GYPB: variants seen among roughly 807,000 people sequenced by gnomAD.
The protein encoded by GYPB is glycophorin-B.
In GYPB, 13 loss-of-function variants were observed where a neutral mutation model predicts 15.3. The ratio of observed to expected loss-of-function variants is 0.85; its 90% CI spans 0.55 to 1.35. The LOEUF (loss-of-function observed/expected upper bound fraction) is 1.35, where lower values mean the gene tolerates loss of function less well. Ranked by LOEUF, GYPB falls within the 40% of genes most tolerant of loss-of-function variation. The pLI is 0.00. For missense variants in GYPB, 131 were observed against 108.3 expected (o/e 1.21, Z -0.93); for synonymous variants, 38 against 36.9 (o/e 1.03, Z -0.11).
chr4:143,999,539 CCTTTT>C, intron 2 of GYPB, 90 bp from the exon 3 acceptor site: 1 of 707,202 alleles, frequency 1.4e-6, no homozygotes. Context: ...CTGCGGGTTT[CCTTTT>C]CTTAATCATA....
At chr4:144,015,232 T>C (rs1266532420) in intron 1 of GYPB, among the ~76,000 whole-genome samples, 1 of 151,358 alleles carries the variant, frequency 6.6e-6, no homozygotes, top group African/African-American at 2.5e-5. Flanking sequence ...TGAGAAAAAA[T>C]AAATAAAACC....
rs1369564588 is a variant in GYPB, at chr4:143,999,549, A to G, written c.137-100T>C. 4.4e-6 allele frequency: 3 copies of G among 675,698 alleles called. No homozygotes were observed. The East Asian group carries it at 8.4e-5, about 19-fold the overall frequency. The allele number at this position is 675,698 out of a possible 1,614,324, so 41.9% of individuals were successfully genotyped here. Reference sequence around the variant, plus strand: ...CTGTTCTGCGGGTTTCCTTTTCTTAATCATATTTTGAGAGTTGTTGGTCAA... The same window carrying G: ...CTGTTCTGCGGGTTTCCTTTTCTTAGTCATATTTTGAGAGTTGTTGGTCAA... On this transcript the variant is annotated intron_variant, in intron 2 of 4. Transcript: ENST00000502664.
chr4:143,996,791 T>TGGA (rs1028636689), intron 4 of GYPB, among the ~76,000 whole-genome samples: 1 of 150,284 alleles, frequency 6.7e-6, no homozygotes, highest in Non-Finnish European at 1.5e-5. Context: ...TTTAAAAAAC[T>TGGA]TTAATGATTC....
rs144313461 is a variant in GYPB, at chr4:144,000,282, C to G, written c.137-833G>C. On this transcript the variant is annotated intron_variant, in intron 2 of 4. Transcript: ENST00000502664. Reference sequence around the variant, plus strand: ...CTTTGGAGTAAAAGAGTTGGGTTTTCTGTCACGAAAGTTTGAGAACTGTCA... The same window carrying G: ...CTTTGGAGTAAAAGAGTTGGGTTTTGTGTCACGAAAGTTTGAGAACTGTCA... 2.8e-5 allele frequency: 6 copies of G among 213,118 alleles called. No individual in the cohort carries two copies. The East Asian group carries it at 9.0e-4, about 32-fold the overall frequency. The allele number at this position is 213,118 out of a possible 1,614,324, so 13.2% of individuals were successfully genotyped here.
chr4:144,009,765 C>T (rs1171205079), intron 1 of GYPB, among the ~76,000 whole-genome samples: 2 of 149,832 alleles, frequency 1.3e-5, no homozygotes, highest in African/African-American at 2.5e-5. Context: ...AGGCACCCGC[C>T]ACCAAGCCCG....
intron 1 of GYPB, among the ~76,000 whole-genome samples, chr4:144,003,433 T>A (rs942754348): frequency 1.3e-4 from 19 of 151,308 alleles, no homozygotes; most frequent in Admixed American, 5.3e-4. Context: ...ATTCCTTTGG[T>A]GGAGAAGCCC....
At position 143,997,617 on chromosome 4, in the gene GYPB, G is replaced by A. The variant is rs761098639; in HGVS notation, c.193C>T (p.Leu65Phe). 5 of 1,576,728 alleles carry A rather than the reference G, an allele frequency of 3.2e-6. No individual in the cohort carries two copies. In the East Asian group the frequency reaches 9.0e-5, roughly 28 times the overall value. Reference sequence around the variant, plus strand: ...CCAGCCATCACACACAAAATAATGAGTATTATCACTACAGGAGCTAAAGAG... The same window carrying A: ...CCAGCCATCACACACAAAATAATGAATATTATCACTACAGGAGCTAAAGAG... ...FTVPAPVVII[L>F]IILCVMAGII... is the part of the protein sequence containing the mutation. Residue 65 changes from leucine (L) to phenylalanine (F), a missense_variant, in exon 4 of 5, where the codon CTC becomes TTC. Transcript: ENST00000502664.
In GYPB at chr4:144,006,012, T is replaced by C. The variant is rs1202750863; in HGVS notation, c.38-4729A>G. Reference sequence around the variant, plus strand: ...ATCTCTCAGATTGATAAGAGTTTAATGATTAAGTGGCAAATTAGTGCAAAA... The same window carrying C: ...ATCTCTCAGATTGATAAGAGTTTAACGATTAAGTGGCAAATTAGTGCAAAA... On this transcript the variant is annotated intron_variant, in intron 1 of 4. Coordinates refer to ENST00000502664, the MANE Select transcript of GYPB (RefSeq NM_002100.6). 5.3e-5 allele frequency among the ~76,000 whole-genome samples: 8 copies of C among 151,604 alleles called. 1 individual carries two copies. The highest frequency in any genetic ancestry group is 7.3e-5 in the Non-Finnish European group (5 of 68,038).
intron 1 of GYPB, among the ~76,000 whole-genome samples, chr4:144,004,743 T>G (rs796854101): frequency 6.6e-6 from 1 of 151,948 alleles, no homozygotes; most frequent in South Asian, 2.1e-4. Context: ...CAAAACTACA[T>G]TTGATAACAA....
At chr4:143,999,127 C>A (rs529933491) in intron 3 of GYPB, 1 of 289,370 alleles carries the variant, frequency 3.5e-6, no homozygotes, top group Admixed American at 5.7e-5. Context: ...AGGCTGTTCT[C>A]AAATTCCTGG....
rs201949116 is a variant in GYPB at position 144,001,239 on chromosome 4, G to A, written c.82C>T (p.His28Tyr). 172 of 1,612,788 alleles carry A rather than the reference G, an allele frequency of 1.1e-4. No individual in the cohort carries two copies. The highest frequency in any genetic ancestry group is 1.6e-4 in the Middle Eastern group (1 of 6,078). The change falls in exon 2 of 5, where the codon CAC (histidine) becomes TAC (tyrosine). Residue 28 changes from histidine to tyrosine, a missense_variant. Coordinates refer to ENST00000502664, the MANE Select transcript of GYPB (RefSeq NM_002100.6). ...SALSTTEVAM[H>Y]TSTSSSVTKS... ...GTGACTGAAGAAGAGGTTGAAGTGT[G>A]CATTGCCACCTCAGTGGTACTTAAT... is the stretch of plus-strand genomic sequence containing the variant.
chr4:143,999,778 T>TA (rs1365837140), intron 2 of GYPB, among the ~76,000 whole-genome samples: 2 of 151,346 alleles, frequency 1.3e-5, no homozygotes, highest in African/African-American at 4.9e-5. Context: ...TTAAAACATG[T>TA]AAAAAATAAT....
intron 1 of GYPB, among the ~76,000 whole-genome samples, chr4:144,010,305 T>G (rs1440805994): frequency 6.6e-6 from 1 of 151,060 alleles, no homozygotes; most frequent in African/African-American, 2.5e-5. Flanking sequence ...ATTTACAAAT[T>G]AAATAACAAA....
chr4:144,005,680 GTA>G (rs1259285779), intron 1 of GYPB, among the ~76,000 whole-genome samples: 1 of 151,748 alleles, frequency 6.6e-6, no homozygotes, highest in Non-Finnish European at 1.5e-5. Context: ...TCCAAGTGAA[GTA>G]TATTTACCTT....
At chr4:144,014,064 C>T (rs1408447708) in intron 1 of GYPB, among the ~76,000 whole-genome samples, 3 of 151,394 alleles carry the variant, frequency 2.0e-5, no homozygotes, top group Non-Finnish European at 4.4e-5. Flanking sequence ...CACTTCATAC[C>T]CTCTGAAATG....
At chr4:144,015,547 C>T (rs1016758926) in intron 1 of GYPB, among the ~76,000 whole-genome samples, 1 of 151,358 alleles carries the variant, frequency 6.6e-6, no homozygotes, top group Non-Finnish European at 1.5e-5. Context: ...CAAATAGTCT[C>T]ATAGATGTTT....
Position 144,017,460 on chromosome 4 carries a change from CAG to C in GYPB, c.37+1789_37+1790del, listed in dbSNP as rs199562938. Among the ~76,000 whole-genome samples the C allele has an allele frequency of 4.9e-3, 743 of 151,190 alleles. 13 individuals are homozygous for C. The East Asian group carries it at 0.057, about 12-fold the overall frequency. On this transcript the variant is annotated intron_variant, in intron 1 of 4. Coordinates refer to ENST00000502664, the MANE Select transcript of GYPB (RefSeq NM_002100.6). ...TGTTATACTATAAAGTGGCCACATC[CAG>C]AGAGTTTCCTTGGAGGGTTTCTGCT...
intron 1 of GYPB, chr4:144,002,796 G>T: frequency 1.5e-6 from 1 of 656,192 alleles, no homozygotes; most frequent in South Asian, 1.6e-5. Context: ...CAGCTGATAG[G>T]TAATCAGTTT....
rs373932094 is a variant in GYPB at position 144,015,010 on chromosome 4, T to A, written c.37+4241A>T. On this transcript the variant is annotated intron_variant, in intron 1 of 4. Transcript: ENST00000502664. Reference sequence around the variant, plus strand: ...AAGAAAGATGACATCATTTTTCCAGTGCTTACATATAATAATTTCGGTTAG... The same window carrying A: ...AAGAAAGATGACATCATTTTTCCAGAGCTTACATATAATAATTTCGGTTAG... 4.5e-4 allele frequency among the ~76,000 whole-genome samples: 68 copies of A among 151,532 alleles called. 1 individual carries two copies. The highest frequency in any genetic ancestry group is 3.4e-3 in the Middle Eastern group (1 of 294).
Sources: gnomAD v4.1 joint callset for allele counts (sites outside exome capture counted in the v4.1 genomes callset) on GRCh38, gnomAD v4.1.1 for gene constraint, MANE v1.5 for transcripts, NCBI Gene and HGNC (gene_info 2026-07-23, HGNC 2026-07-21) for gene names.